Variants in FGF12 observed in about 807,000 individuals in gnomAD.
FGF12 encodes the protein fibroblast growth factor 12, also known as fibroblast growth factor 12B.
Under a neutral mutation model 23.6 loss-of-function variants are expected in FGF12, and 14 were observed. The ratio of observed to expected loss-of-function variants is 0.59; its 90% CI spans 0.39 to 0.93. The LOEUF is 0.93. Ranked by LOEUF, FGF12 falls within the 40% of genes least tolerant of loss-of-function variation. FGF12 has a pLI of 0.00. For missense variants in FGF12, 175 were observed against 217.8 expected, an observed-to-expected ratio of 0.80 and a Z score of 1.24; for synonymous variants, 62 against 77.3, an observed-to-expected ratio of 0.80 and a Z score of 1.04.
intron 4 of FGF12, among the ~76,000 whole-genome samples, chr3:192,204,689 C>A (rs1717550727): frequency 6.6e-6 from 1 of 151,990 alleles, no homozygotes; most frequent in Non-Finnish European, 1.5e-5. Context: ...AGTTTGAGAC[C>A]AGCCTGGCCA....
In FGF12 at chr3:192,204,841, G is replaced by A. The variant is rs144396103; in HGVS notation, c.229-34185C>T. ...GCAGATGTTGTGGTGAGCCAAGATC[G>A]CACCAAGACTGTACTCCAGCCTGGG... On this transcript the variant is annotated intron_variant, in intron 4 of 5. Transcript: ENST00000445105. Among the ~76,000 whole-genome samples, 8 of 151,928 alleles carry A rather than the reference G, an allele frequency of 5.3e-5. 1 individual carries two copies. The East Asian group carries it at 1.4e-3, about 26-fold the overall frequency.
chr3:192,158,362 CTTTCT>C (rs1418803565), intron 5 of FGF12, among the ~76,000 whole-genome samples: 8 of 106,866 alleles, frequency 7.5e-5, no homozygotes, highest in African/African-American at 2.8e-4. Flanking sequence ...TTCTTTCTTT[CTTTCT>C]TTCTTTCTTT....
intron 4 of FGF12, among the ~76,000 whole-genome samples, chr3:192,252,486 AAAAAAAAG>A (rs1712092673): frequency 6.7e-6 from 1 of 148,514 alleles, no homozygotes; most frequent in Non-Finnish European, 1.5e-5. Flanking sequence ...AAAAAAAAAA[AAAAAAAAG>A]AAAAGAGAAG....
intron 2 of FGF12, among the ~76,000 whole-genome samples, chr3:192,436,142 T>C (rs866338805): frequency 6.6e-6 from 1 of 152,154 alleles, no homozygotes; most frequent in Non-Finnish European, 1.5e-5. Context: ...AATACTGTCA[T>C]AGTCCATGTC....
intron 2 of FGF12, among the ~76,000 whole-genome samples, chr3:192,480,214 GA>G (rs1024352830): frequency 3.3e-5 from 5 of 152,168 alleles, no homozygotes; most frequent in Admixed American, 2.0e-4. Flanking sequence ...GAATAAAGAG[GA>G]AAAAACTTAA....
chr3:192,675,374 C>A (rs965236911), intron 2 of FGF12, among the ~76,000 whole-genome samples: 1 of 150,880 alleles, frequency 6.6e-6, no homozygotes, highest in Non-Finnish European at 1.5e-5. Flanking sequence ...TACATAGTGA[C>A]ATAAATGATA....
intron 2 of FGF12, among the ~76,000 whole-genome samples, chr3:192,486,020 TG>T (rs1322525962): frequency 6.6e-6 from 1 of 152,148 alleles, no homozygotes; most frequent in Non-Finnish European, 1.5e-5. Flanking sequence ...TGACAGTGGA[TG>T]GCCATTAATA....
chr3:192,220,882 C>A (rs1718439149), intron 4 of FGF12, among the ~76,000 whole-genome samples: 1 of 152,148 alleles, frequency 6.6e-6, no homozygotes, highest in South Asian at 2.1e-4. Flanking sequence ...TGAATCCTCT[C>A]CTTTCCATCT....
chr3:192,196,685 A>T (rs898427405), intron 4 of FGF12, among the ~76,000 whole-genome samples: 2 of 152,098 alleles, frequency 1.3e-5, no homozygotes, highest in African/African-American at 4.8e-5. Context: ...CAAAAATAAC[A>T]CTCTAAATGT....
chr3:192,497,996 T>C (rs943966435), intron 2 of FGF12, among the ~76,000 whole-genome samples: 3 of 41,828 alleles, frequency 7.2e-5, no homozygotes, highest in African/African-American at 1.6e-4. Context: ...AATGAAGGAA[T>C]AAATGAAAGA....
At chr3:192,602,648 C>G (rs563646768) in intron 2 of FGF12, among the ~76,000 whole-genome samples, 2 of 151,744 alleles carry the variant, frequency 1.3e-5, no homozygotes, top group East Asian at 3.9e-4. Flanking sequence ...ATCTATGATA[C>G]CACTGTGGGA....
chr3:192,464,723 G>A (rs1386330490), intron 2 of FGF12, among the ~76,000 whole-genome samples: 3 of 152,090 alleles, frequency 2.0e-5, no homozygotes, highest in African/African-American at 7.2e-5. Flanking sequence ...AGTTTCCTTT[G>A]GGAGAAGGGG....
At chr3:192,150,044 T>C (rs1186962647) in intron 5 of FGF12, among the ~76,000 whole-genome samples, 1 of 104,990 alleles carries the variant, frequency 9.5e-6, no homozygotes, top group Non-Finnish European at 2.0e-5. Flanking sequence ...GTGGTTTTGA[T>C]TTGCATTTCT....
chr3:192,200,554 A>AG (rs1717313654), intron 4 of FGF12, among the ~76,000 whole-genome samples: 1 of 152,172 alleles, frequency 6.6e-6, no homozygotes, highest in East Asian at 1.9e-4. Context: ...TGTTTCCCCC[A>AG]TATGTGTACA....
chr3:192,590,007 GA>G (rs1007818567), intron 2 of FGF12, among the ~76,000 whole-genome samples: 1 of 151,692 alleles, frequency 6.6e-6, no homozygotes, highest in Non-Finnish European at 1.5e-5. Context: ...ACACAGATGA[GA>G]AAAAAATGAT....
At chr3:192,654,896 G>GA (rs935437588) in intron 2 of FGF12, among the ~76,000 whole-genome samples, 29 of 149,056 alleles carry the variant, frequency 1.9e-4, no homozygotes, top group East Asian at 3.9e-4. Context: ...AGATCAGTGT[G>GA]AAAAAAAAAA....
intron 3 of FGF12, among the ~76,000 whole-genome samples, chr3:192,341,096 C>G (rs1717667313): frequency 6.6e-6 from 1 of 152,006 alleles, no homozygotes. Flanking sequence ...ACATAAGAAA[C>G]TCCTATGACT....
At chr3:192,412,871 A>G (rs766807415) in intron 2 of FGF12, among the ~76,000 whole-genome samples, 11 of 152,254 alleles carry the variant, frequency 7.2e-5, no homozygotes, top group Non-Finnish European at 1.5e-4. Context: ...TTAAACTAAC[A>G]ACCAGGTATT....
At chr3:192,522,748 T>C (rs1017892751) in intron 2 of FGF12, among the ~76,000 whole-genome samples, 1 of 152,234 alleles carries the variant, frequency 6.6e-6, no homozygotes, top group African/African-American at 2.4e-5. Context: ...CACAAAGTAA[T>C]GTGCTACAAT....
Sources: gnomAD v4.1 joint callset for allele counts (sites outside exome capture counted in the v4.1 genomes callset) on GRCh38, gnomAD v4.1.1 for gene constraint, MANE v1.5 for transcripts, NCBI Gene and HGNC (gene_info 2026-07-23, HGNC 2026-07-21) for gene names.